Variants in DAG1 observed in about 807,000 individuals in gnomAD.
DAG1 encodes dystroglycan 1.
DAG1 carries 8 observed loss-of-function variants against 46.1 expected under a neutral mutation model. The ratio of observed to expected loss-of-function variants is 0.17; its 90% CI spans 0.10 to 0.31. DAG1 has a LOEUF of 0.31. Among genes scored for constraint, DAG1 ranks in the 10% least tolerant of loss-of-function variants. DAG1 has a pLI of 1.00. For missense variants in DAG1, 1,003 were observed against 1,189.9 expected (o/e 0.84, Z 2.31); for synonymous variants, 495 against 481.8 (o/e 1.03, Z -0.36).
intron 1 of DAG1, among the ~76,000 whole-genome samples, chr3:49,472,091 T>C (rs1461730048): frequency 6.6e-6 from 1 of 152,122 alleles, no homozygotes; most frequent in Admixed American, 6.5e-5. Flanking sequence ...TCCAACTTTG[T>C]ATGCGGGGTG....
At chr3:49,475,700 T>TC (rs1243815865) in intron 1 of DAG1, among the ~76,000 whole-genome samples, 1 of 122,542 alleles carries the variant, frequency 8.2e-6, no homozygotes, top group East Asian at 7.3e-4. Context: ...ATTTTCTTTT[T>TC]CTTTTTTTTT....
chr3:49,471,048 AAGTT>A (rs1458755857), intron 1 of DAG1: 3 of 152,224 alleles, frequency 2.0e-5, no homozygotes, highest in South Asian at 2.1e-4. Context: ...CATAAATTCT[AAGTT>A]AGTTTCCTAC....
At chr3:49,496,396 C>T (rs541818426) in intron 1 of DAG1, among the ~76,000 whole-genome samples, 72 of 137,606 alleles carry the variant, frequency 5.2e-4, no homozygotes, top group African/African-American at 1.9e-3. Flanking sequence ...CTCACTCTGT[C>T]GCCCAGACTG....
In DAG1 at chr3:49,533,486, C is replaced by A; in HGVS notation, c.*287C>A. 1 of 610,202 alleles carries A rather than the reference C, an allele frequency of 1.6e-6. No homozygotes were observed. Among genetic ancestry groups the A allele is most frequent in the Non-Finnish European group, 3.1e-6 (1 of 327,208 alleles). 37.8% of individuals were successfully genotyped at this position (610,202 alleles called of 1,614,324 possible). A position where few individuals can be genotyped will look rare whatever the true frequency, so the allele number is the denominator to read the frequency against. On this transcript the variant is annotated 3_prime_UTR_variant, in exon 3 of 3. Transcript: ENST00000308775. ...TTTTTGATGGCTGGCTCTGAAAGCA[C>A]CATGTGGAGTGGAGGTGGAGGGAGC... is the stretch of plus-strand genomic sequence containing the variant.
rs189643837 is a variant in DAG1, at chr3:49,511,930, C to T, written c.285+1111C>T. 2.4e-4 allele frequency among the ~76,000 whole-genome samples: 37 copies of T among 152,354 alleles called. No homozygotes were observed. In the East Asian group the frequency reaches 6.9e-3, roughly 29 times the overall value. ...ATATATAAATCAATGGGCAATAAAA[C>T]TTTACGGTGGATACTTTTTCTTTTT... On this transcript the variant is annotated intron_variant, in intron 2 of 2. Transcript: ENST00000308775.
chr3:49,519,385 G>A (rs758563502), intron 2 of DAG1, among the ~76,000 whole-genome samples: 4 of 152,146 alleles, frequency 2.6e-5, no homozygotes, highest in Non-Finnish European at 4.4e-5. Context: ...CAAGATGTTG[G>A]CAGGCTGGGA....
chr3:49,533,316 GCA>G lies in DAG1; in HGVS notation c.*123_*124del. ...CCACCGGGAGCCGACACCTGACCTA[GCA>G]CACACTGACACAGGGGCCTGGACAA... On this transcript the variant is annotated 3_prime_UTR_variant, in exon 3 of 3. Coordinates refer to ENST00000308775, the MANE Select transcript of DAG1 (RefSeq NM_004393.6). 2 of 1,461,984 alleles carry G rather than the reference GCA, an allele frequency of 1.4e-6. No individual in the cohort carries two copies. Among genetic ancestry groups the G allele is most frequent in the Non-Finnish European group, 9.3e-7 (1 of 1,076,116 alleles). 90.6% of individuals were successfully genotyped at this position (1,461,984 alleles called of 1,614,324 possible).
At chr3:49,525,708 G>A (rs2051151989) in intron 2 of DAG1, among the ~76,000 whole-genome samples, 1 of 151,768 alleles carries the variant, frequency 6.6e-6, no homozygotes, top group Non-Finnish European at 1.5e-5. Flanking sequence ...ACAGGCGCCC[G>A]CCACCTCGCC....
chr3:49,502,151 A>G (rs1305683109), intron 1 of DAG1, among the ~76,000 whole-genome samples: 1 of 152,222 alleles, frequency 6.6e-6, no homozygotes, highest in Non-Finnish European at 1.5e-5. Context: ...TGGGTGACCA[A>G]AAAACCAAAA....
At chr3:49,476,853 A>C (rs1467464326) in intron 1 of DAG1, 1 of 152,104 alleles carries the variant, frequency 6.6e-6, no homozygotes, top group East Asian at 1.9e-4. Context: ...CTGCAGGGCC[A>C]CTGCTCTCCA....
intron 1 of DAG1, among the ~76,000 whole-genome samples, chr3:49,493,204 C>T (rs927434954): frequency 3.3e-5 from 5 of 151,934 alleles, no homozygotes; most frequent in African/African-American, 1.2e-4. Context: ...TCACCACACT[C>T]AGCCAATTTT....
At chr3:49,482,499 G>T (rs1259082720) in intron 1 of DAG1, among the ~76,000 whole-genome samples, 1 of 152,198 alleles carries the variant, frequency 6.6e-6, no homozygotes, top group Non-Finnish European at 1.5e-5. Flanking sequence ...GGGGAGGCGA[G>T]ACATGTTTGC....
At chr3:49,472,454 A>G in intron 1 of DAG1, among the ~76,000 whole-genome samples, 1 of 152,128 alleles carries the variant, frequency 6.6e-6, no homozygotes, top group Non-Finnish European at 1.5e-5. Context: ...TGGAGGGACC[A>G]CTTAGGGACC....
chr3:49,475,406 C>CTT lies in DAG1; in HGVS notation c.-117+4990_-117+4991dup, dbSNP rs11320656. Among the ~76,000 whole-genome samples the CTT allele has an allele frequency of 5.4e-4, 67 of 124,474 alleles. 1 individual carries two copies. Among genetic ancestry groups the CTT allele is most frequent in the Non-Finnish European group, 7.4e-4 (44 of 59,282 alleles). The allele number at this position is 124,474 out of a possible 152,430, so 81.7% of individuals were successfully genotyped here. ...GGCGTGAGCCACCTCACCTGGCCAGCTTTTTTTTTTTTTTTTTTGAGATGG... is the reference window on the plus strand; with the variant it reads ...GGCGTGAGCCACCTCACCTGGCCAGCTTTTTTTTTTTTTTTTTTTTGAGATGG... On this transcript the variant is annotated intron_variant, in intron 1 of 2. Transcript: ENST00000308775.
At chr3:49,492,081 C>T (rs1026841418) in intron 1 of DAG1, among the ~76,000 whole-genome samples, 1 of 152,140 alleles carries the variant, frequency 6.6e-6, no homozygotes, top group African/African-American at 2.4e-5. Flanking sequence ...CATGGGCCAC[C>T]AAGCCCAGCT....
intron 2 of DAG1, among the ~76,000 whole-genome samples, chr3:49,526,177 G>A (rs1276716653): frequency 2.0e-5 from 3 of 152,140 alleles, no homozygotes; most frequent in Non-Finnish European, 2.9e-5. Context: ...ACCAGATCTT[G>A]TGAGAACTCT....
intron 1 of DAG1, among the ~76,000 whole-genome samples, chr3:49,488,418 G>T (rs1355286839): frequency 6.6e-6 from 1 of 152,062 alleles, no homozygotes; most frequent in Non-Finnish European, 1.5e-5. Flanking sequence ...CCACATCTAG[G>T]ATTATATCCT....
At chr3:49,496,474 T>C (rs182082659) in intron 1 of DAG1, among the ~76,000 whole-genome samples, 13 of 150,748 alleles carry the variant, frequency 8.6e-5, no homozygotes, top group Middle Eastern at 3.4e-3. Context: ...TCTGCTGCCT[T>C]AGCCTCCTGA....
rs918515422 is a variant in DAG1, at chr3:49,486,169, C to G, written c.-117+15736C>G. Among the ~76,000 whole-genome samples the G allele has an allele frequency of 3.2e-4, 48 of 150,714 alleles. 1 individual carries two copies. On this transcript the variant is annotated intron_variant, in intron 1 of 2. Transcript: ENST00000308775. ...GAATGTTCTGCAAGAGAGATTTATA[C>G]CACTATTTTCTTTTTCTTTTATTTA...
Sources: allele counts gnomAD v4.1 joint callset (sites outside exome capture counted in the v4.1 genomes callset), GRCh38; gene constraint gnomAD v4.1.1; transcripts MANE v1.5; gene names NCBI Gene and HGNC (gene_info 2026-07-23, HGNC 2026-07-21).